ACBD4: variants seen among roughly 807,000 people sequenced by gnomAD.
The protein encoded by ACBD4 is acyl-CoA binding domain containing 4.
ACBD4 carries 41 observed loss-of-function variants against 46.0 expected under a neutral mutation model. The ratio of observed to expected loss-of-function variants is 0.89; its 90% CI spans 0.69 to 1.16. ACBD4 has a LOEUF of 1.16. Ranked by LOEUF, ACBD4 falls within the 50% of genes most tolerant of loss-of-function variation. The pLI is 0.00. For missense variants in ACBD4, 393 were observed against 399.5 expected (o/e 0.98, Z 0.14); for synonymous variants, 162 against 155.9 (o/e 1.04, Z -0.29).
chr17:45,137,051 A>G lies in ACBD4; in HGVS notation c.327A>G (p.Ala109=). The change falls in exon 5 of 10, where the codon GCA becomes GCG. Residue 109 remains alanine, a synonymous_variant. Transcript: ENST00000321854. The part of the protein sequence containing the change: ...VIDTVPLGEV[A]EDMFGYFEPL... ...ACACAGTGCCCCTGGGTGAGGTGGC[A>G]GAGGACATGTTTGGTTACTTCGAGC... 1 of 1,614,148 alleles carries G rather than the reference A, an allele frequency of 6.2e-7. No homozygotes were observed. The highest frequency in any genetic ancestry group is 8.5e-7 in the Non-Finnish European group (1 of 1,180,018).
chr17:45,143,532 C>A lies in ACBD4; in HGVS notation c.879C>A (p.Val293=). Reference sequence around the variant, plus strand: ...TCTTCCTCCTGTGGCCCTTCGTCGTCCAGTGGCTCTTCCGAATGTTTCGGA... The same window carrying A: ...TCTTCCTCCTGTGGCCCTTCGTCGTACAGTGGCTCTTCCGAATGTTTCGGA... ...LLFFLLWPFV[V]QWLFRMFRTQ... The change falls in exon 10 of 10, where the codon GTC becomes GTA. Residue 293 remains valine, a synonymous_variant. Coordinates refer to ENST00000321854, the MANE Select transcript of ACBD4 (RefSeq NM_001135705.3). 6.2e-7 allele frequency: 1 copy of A among 1,614,078 alleles called. No individual in the cohort carries two copies. Among genetic ancestry groups the A allele is most frequent in the Non-Finnish European group, 8.5e-7 (1 of 1,180,004 alleles).
intron 5 of ACBD4, 41 bp downstream of exon 5, chr17:45,137,180 A>T (rs761935680): frequency 1.2e-6 from 2 of 1,613,602 alleles, no homozygotes; most frequent in Non-Finnish European, 1.7e-6. Context: ...TGCTGAGTGA[A>T]CCGTCTTAGG....
upstream of ACBD4, chr17:45,132,376 G>A (rs1295431153): frequency 1.6e-6 from 2 of 1,228,168 alleles, no homozygotes; most frequent in East Asian, 3.2e-5. This position sits in a 1 kb window ranked among gnomAD's most constrained non-coding sequence, Gnocchi z 4.6. Flanking sequence ...CTCCTCGGGC[G>A]GGCGGCGGCA....
intron 9 of ACBD4, among the ~76,000 whole-genome samples, chr17:45,140,319 G>A (rs898702672): frequency 4.0e-5 from 6 of 151,074 alleles, no homozygotes; most frequent in African/African-American, 1.5e-4. Context: ...GAGTAGCTGG[G>A]ACTACAGGCA....
At chr17:45,131,972 C>T (rs556931547), upstream of ACBD4, among the ~76,000 whole-genome samples, 2 of 152,344 alleles carry the variant, frequency 1.3e-5, no homozygotes, top group African/African-American at 4.8e-5. Flanking sequence ...TCCTTGGAGA[C>T]CCCACCAGCG....
chr17:45,139,227 C>G, intron 9 of ACBD4, 67 bp downstream of exon 9: 11 of 1,568,870 alleles, frequency 7.0e-6, no homozygotes, highest in Non-Finnish European at 9.6e-6. Flanking sequence ...GCTCCTCTTC[C>G]AGCCACTTTT....
intron 9 of ACBD4, among the ~76,000 whole-genome samples, chr17:45,141,026 C>T (rs974127366): frequency 1.3e-5 from 2 of 152,134 alleles, no homozygotes; most frequent in African/African-American, 4.8e-5. Flanking sequence ...AACAAACAAA[C>T]AAAAAACCAT....
chr17:45,136,695 C>G lies in ACBD4; in HGVS notation c.213C>G (p.Asp71Glu), dbSNP rs769140008. The change falls in exon 4 of 10, where the codon GAC (aspartate) becomes GAG (glutamate). Residue 71 changes from aspartate to glutamate, a missense_variant. By Grantham distance (45) the Asp-to-Glu change is conservative. Around this residue, in one of 3 missense-constraint regions of ACBD4, gnomAD observed 24 missense variants for 47.4 expected, o/e 0.51. Coordinates refer to ENST00000321854, the MANE Select transcript of ACBD4 (RefSeq NM_001135705.3). ...FWDPIGRYKW[D>E]AWNSLGKMSR... ...TCTCACAGCCCTCTGCCCCCAGGGA[C>G]GCCTGGAACAGTCTGGGCAAGATGA... The G allele has an allele frequency of 1.2e-6, 2 of 1,614,100 alleles. No homozygotes were observed. The highest frequency in any genetic ancestry group is 2.7e-5 in the African/African-American group (2 of 75,056).
chr17:45,133,667 G>GACT (rs1308170001), upstream of ACBD4, among the ~76,000 whole-genome samples: 1 of 149,096 alleles, frequency 6.7e-6, no homozygotes, highest in Admixed American at 6.7e-5. Flanking sequence ...AAGTAGCTGG[G>GACT]ACTACAGGCG....
intron 8 of ACBD4, chr17:45,138,355 T>C (rs1423511173): frequency 5.7e-6 from 2 of 350,960 alleles, no homozygotes; most frequent in Non-Finnish European, 1.1e-5. Context: ...TTCTGCCCTC[T>C]TCCCTTCTAG....
intron 4 of ACBD4, 42 bp downstream of exon 4, chr17:45,136,818 T>TCTGACCACACTGGAAG (rs772880413): frequency 6.2e-7 from 1 of 1,610,898 alleles, no homozygotes; most frequent in Non-Finnish European, 8.5e-7. Flanking sequence ...CCTGGCCAGG[T>TCTGACCACACTGGAAG]GGCCTCACCC....
chr17:45,134,726 G>A (rs1394882510), upstream of ACBD4, among the ~76,000 whole-genome samples: 2 of 151,872 alleles, frequency 1.3e-5, no homozygotes, highest in African/African-American at 2.4e-5. Context: ...GCAGTGAGCC[G>A]AGATCACGCC....
chr17:45,136,106 A>G lies in ACBD4; in HGVS notation c.-37-2A>G, dbSNP rs1247142701. 6.2e-7 allele frequency: 1 copy of G among 1,606,542 alleles called. No homozygotes were observed. Among genetic ancestry groups the G allele is most frequent in the Non-Finnish European group, 8.5e-7 (1 of 1,176,878 alleles). Reference sequence around the variant, plus strand: ...CCCTCACACGAAGGCTGCTTCTTGCAGAGTCGCTCAAAAGTAGGGCCCCAG... The same window carrying G: ...CCCTCACACGAAGGCTGCTTCTTGCGGAGTCGCTCAAAAGTAGGGCCCCAG... On this transcript the variant is annotated splice_acceptor_variant, in intron 1 of 9. Transcript: ENST00000321854. LOFTEE classifies it low-confidence loss of function (5UTR_SPLICE).
In ACBD4 at chr17:45,139,172, C is replaced by G; in HGVS notation, c.789+12C>G. On this transcript the variant is annotated intron_variant, in intron 9 of 9. Transcript: ENST00000321854. ...GGCCCCCTGAGCAGGTAGAGTCCCC[C>G]ACCCCATAGGACAAGATGATGGCAG... 9 of 1,612,866 alleles carry G rather than the reference C, an allele frequency of 5.6e-6. No homozygotes were observed. The highest frequency in any genetic ancestry group is 7.6e-6 in the Non-Finnish European group (9 of 1,179,592).
chr17:45,138,181 C>T, intron 8 of ACBD4, 193 bp downstream of exon 8: 1 of 643,492 alleles, frequency 1.6e-6, no homozygotes, highest in East Asian at 2.7e-5. Context: ...CGCCCTCCCT[C>T]CTCTCCCCAA....
upstream of ACBD4, among the ~76,000 whole-genome samples, chr17:45,134,972 C>CGT (rs2054713499): frequency 7.3e-6 from 1 of 137,702 alleles, no homozygotes; most frequent in Non-Finnish European, 1.6e-5. Context: ...TTTGCTTACT[C>CGT]TTTTTTTTTT....
upstream of ACBD4, among the ~76,000 whole-genome samples, chr17:45,132,076 CG>C (rs1263658358): frequency 2.0e-5 from 3 of 152,166 alleles, no homozygotes; most frequent in Non-Finnish European, 4.4e-5. This position sits in a 1 kb window ranked among gnomAD's most constrained non-coding sequence, Gnocchi z 4.6. Context: ...CCGGGACCCT[CG>C]GATGACCCCA....
chr17:45,135,002 C>G (rs1185600338), upstream of ACBD4, among the ~76,000 whole-genome samples: 1 of 145,334 alleles, frequency 6.9e-6, no homozygotes, highest in Non-Finnish European at 1.5e-5. Context: ...GAGTCTCACT[C>G]TCGCCCAGGC....
Position 45,137,754 on chromosome 17 carries a change from C to T in ACBD4, c.503-6C>T. ...CTGGGCAGTAACTCTACCAACCCCTCCACAGAGTCCCATTCACCCAGGGAC... is the reference window on the plus strand; with the variant it reads ...CTGGGCAGTAACTCTACCAACCCCTTCACAGAGTCCCATTCACCCAGGGAC... On this transcript the variant is annotated splice_polypyrimidine_tract_variant and splice_region_variant and intron_variant, in intron 6 of 9. Transcript: ENST00000321854. The T allele has an allele frequency of 2.5e-6, 4 of 1,614,038 alleles. No individual in the cohort carries two copies. Among genetic ancestry groups the T allele is most frequent in the Non-Finnish European group, 3.4e-6 (4 of 1,180,008 alleles).
Sources: gnomAD v4.1 joint callset for allele counts (sites outside exome capture counted in the v4.1 genomes callset) on GRCh38, gnomAD v4.1.1 for gene constraint, gnomAD v4.1.1 regional missense constraint, Gnocchi (gnomAD v3.1) non-coding constraint, MANE v1.5 for transcripts, NCBI Gene and HGNC (gene_info 2026-07-23, HGNC 2026-07-21) for gene names.